SOX6: variants seen among roughly 807,000 people sequenced by gnomAD.
The protein encoded by SOX6 is SRY-box transcription factor 6.
SOX6 carries 11 observed loss-of-function variants against 97.8 expected under a neutral mutation model. That is an observed-to-expected ratio of 0.11 (90% CI 0.07 to 0.19). SOX6 has a LOEUF of 0.19. Ranked by LOEUF, SOX6 falls within the 10% of genes least tolerant of loss-of-function variation. SOX6 has a pLI of 1.00. For synonymous variants in SOX6, 360 were observed against 371.4 expected (o/e 0.97, Z 0.35); for missense variants, 810 against 1,039.5 (o/e 0.78, Z 3.04).
At chr11:16,453,819 A>G (rs1189530815) in intron 1 of SOX6, among the ~76,000 whole-genome samples, 1 of 152,164 alleles carries the variant, frequency 6.6e-6, no homozygotes, top group Non-Finnish European at 1.5e-5. Context: ...TTTCCAAATG[A>G]GCTCACAGAA....
chr11:16,353,945 T>A (rs183955974), intron 1 of SOX6, among the ~76,000 whole-genome samples: 13 of 152,150 alleles, frequency 8.5e-5, no homozygotes, highest in Admixed American at 8.5e-4. Flanking sequence ...TTTACATTTA[T>A]CATGCCTAAT....
intron 6 of SOX6, among the ~76,000 whole-genome samples, chr11:16,165,640 G>A (rs994243572): frequency 1.3e-5 from 2 of 152,138 alleles, no homozygotes; most frequent in Admixed American, 1.3e-4. Flanking sequence ...GCTCACACCT[G>A]TAATCCCAGC....
At chr11:16,077,383 T>C (rs750970527) in intron 9 of SOX6, among the ~76,000 whole-genome samples, 3 of 152,196 alleles carry the variant, frequency 2.0e-5, no homozygotes, top group Non-Finnish European at 4.4e-5. Context: ...AGTTCAGCCA[T>C]TGTGGAAAGC....
At chr11:16,575,537 T>C (rs1032222659) in intron 4 of SOX6, among the ~76,000 whole-genome samples, 2 of 152,200 alleles carry the variant, frequency 1.3e-5, no homozygotes, top group Non-Finnish European at 2.9e-5. Context: ...AATTCTGATA[T>C]TCACACAATA....
chr11:16,389,351 G>A (rs760976227), intron 1 of SOX6, among the ~76,000 whole-genome samples: 22 of 152,152 alleles, frequency 1.4e-4, no homozygotes, highest in Non-Finnish European at 2.6e-4. Context: ...CAAAGGAGAG[G>A]TGACATTGTA....
At chr11:16,242,489 G>A (rs1482721398) in intron 3 of SOX6, among the ~76,000 whole-genome samples, 1 of 151,660 alleles carries the variant, frequency 6.6e-6, no homozygotes, top group Non-Finnish European at 1.5e-5. Context: ...CAAACTTCTT[G>A]CTTCATTGAA....
intron 3 of SOX6, among the ~76,000 whole-genome samples, chr11:16,679,037 T>A (rs1026161807): frequency 6.6e-6 from 1 of 152,234 alleles, no homozygotes; most frequent in African/African-American, 2.4e-5. Context: ...GGGAAAGGCA[T>A]AGCTGAACAA....
rs1040108053 is a variant in SOX6, at chr11:15,972,085, T to G, written c.*724A>C. 6.5e-6 allele frequency: 1 copy of G among 152,888 alleles called. No individual in the cohort carries two copies. The highest frequency in any genetic ancestry group is 2.4e-5 in the African/African-American group (1 of 41,462). The allele number at this position is 152,888 out of a possible 1,614,324, so 9.5% of individuals were successfully genotyped here. ...GCACTGTGGCAACCTTGTTCATTCC[T>G]TACAATATCTTGTCTCCAGATTCCT... On this transcript the variant is annotated 3_prime_UTR_variant, in exon 16 of 16. Transcript: ENST00000683767.
chr11:16,371,585 T>C lies in SOX6; in HGVS notation c.-4-30333A>G, dbSNP rs140197660. Among the ~76,000 whole-genome samples the C allele has an allele frequency of 1.6e-4, 25 of 152,212 alleles. 1 individual carries two copies. In the East Asian group the frequency reaches 4.1e-3, roughly 25 times the overall value. On this transcript the variant is annotated intron_variant, in intron 1 of 15. Transcript: ENST00000396356. ...CCAATCCCCAGCTGGTGCCTAGCAA[T>C]AGTAAGTGCTCAGTAAACACTGTTG...
At chr11:16,688,228 T>C (rs1470966950) in intron 3 of SOX6, among the ~76,000 whole-genome samples, 2 of 152,116 alleles carry the variant, frequency 1.3e-5, no homozygotes, top group Non-Finnish European at 2.9e-5. Context: ...CCCACCACAG[T>C]CTCCCAAAGT....
intron 1 of SOX6, chr11:16,408,638 T>C (rs1482901836): frequency 6.6e-6 from 1 of 152,132 alleles, no homozygotes; most frequent in Non-Finnish European, 1.5e-5. Context: ...TTTTAAACTA[T>C]TTTTTACAGG....
chr11:16,365,151 T>G (rs1206560431), intron 1 of SOX6, among the ~76,000 whole-genome samples: 3 of 152,064 alleles, frequency 2.0e-5, no homozygotes, highest in Non-Finnish European at 4.4e-5. Flanking sequence ...GTACCTAATT[T>G]ATAAATTAAA....
chr11:16,149,730 A>T (rs892405057), intron 6 of SOX6, among the ~76,000 whole-genome samples: 1 of 152,212 alleles, frequency 6.6e-6, no homozygotes, highest in Non-Finnish European at 1.5e-5. Flanking sequence ...CTTCATCTTT[A>T]GCTAATGAGC....
intron 4 of SOX6, among the ~76,000 whole-genome samples, chr11:16,498,402 A>G (rs1431571802): frequency 2.0e-5 from 3 of 152,196 alleles, no homozygotes; most frequent in Non-Finnish European, 2.9e-5. Context: ...TGCATCAACT[A>G]ACAAGCAAAA....
At chr11:15,988,827 G>A (rs758263702) in intron 14 of SOX6, among the ~76,000 whole-genome samples, 170 bp downstream of exon 14, 36 of 152,206 alleles carry the variant, frequency 2.4e-4, no homozygotes, top group Non-Finnish European at 4.6e-4. Context: ...ATGGGGTGGG[G>A]GAGGCAGACG....
intron 1 of SOX6, among the ~76,000 whole-genome samples, chr11:16,342,096 C>T (rs1271149802): frequency 1.3e-5 from 2 of 151,964 alleles, no homozygotes; most frequent in East Asian, 1.9e-4. Flanking sequence ...CAATATTGAA[C>T]ATTCATTTAT....
chr11:16,132,305 AGG>A (rs1564971866), intron 6 of SOX6, among the ~76,000 whole-genome samples: 50 of 129,696 alleles, frequency 3.9e-4, no homozygotes, highest in East Asian at 1.5e-3. Flanking sequence ...GAAGGAAGGA[AGG>A]AAGGAAGGAA....
chr11:16,515,156 C>A (rs1011086138), intron 4 of SOX6, among the ~76,000 whole-genome samples: 1 of 150,660 alleles, frequency 6.6e-6, no homozygotes, highest in African/African-American at 2.4e-5. Flanking sequence ...AGTTTACAGT[C>A]CCACCAACAG....
rs141348975 is a variant in SOX6 at position 16,440,768 on chromosome 11, G to T, written c.-5+35547C>A. ...TTGGGCAATTTTCTTGGATTAAAAA[G>T]AAAAATGTAAGAAGTAAAACAGAAG... On this transcript the variant is annotated intron_variant, in intron 1 of 15. Coordinates refer to the SOX6 transcript ENST00000396356. Among the ~76,000 whole-genome samples the T allele has an allele frequency of 1.9e-3, 286 of 152,132 alleles. 6 individuals carry two copies. The East Asian group carries it at 0.044, about 24-fold the overall frequency.
Sources: allele counts gnomAD v4.1 joint callset (sites outside exome capture counted in the v4.1 genomes callset), GRCh38; gene constraint gnomAD v4.1.1; transcripts MANE v1.5; gene names NCBI Gene and HGNC (gene_info 2026-07-23, HGNC 2026-07-21).